ULK2: variants seen among roughly 807,000 people sequenced by gnomAD.
The protein encoded by ULK2 is serine/threonine-protein kinase ULK2.
A neutral mutation model predicts 127.5 loss-of-function variants in ULK2; 76 were observed. The ratio of observed to expected loss-of-function variants is 0.60; its 90% CI spans 0.50 to 0.72. ULK2 has a LOEUF of 0.72. ULK2 is among the 30% of genes least tolerant of loss of function. The pLI, the probability that ULK2 is intolerant of heterozygous loss-of-function variation, is 0.00. For synonymous variants in ULK2, 452 were observed against 461.9 expected, an observed-to-expected ratio of 0.98 and a Z score of 0.28; for missense variants, 1,144 against 1,295.9, an observed-to-expected ratio of 0.88 and a Z score of 1.80.
intron 8 of ULK2, 26 bp from the exon 9 acceptor site, chr17:19,841,573 T>C: frequency 6.5e-7 from 1 of 1,537,330 alleles, no homozygotes; most frequent in Non-Finnish European, 8.7e-7. Flanking sequence ...AGGTTTAATT[T>C]CCTAAACAAT....
chr17:19,812,517 C>T (rs1347939895), intron 13 of ULK2, among the ~76,000 whole-genome samples: 2 of 152,206 alleles, frequency 1.3e-5, no homozygotes, highest in Non-Finnish European at 2.9e-5. Context: ...CTTACACTGG[C>T]CTACAATTGG....
rs139281114 is a variant in ULK2 at position 19,771,771 on chromosome 17, C to T, written c.*4578G>A. Reference sequence around the variant, plus strand: ...GAGCTGGAATTTGAGACCAAGTGGACCACTAAGCTACCTGCCAAATTGAGT... The same window carrying T: ...GAGCTGGAATTTGAGACCAAGTGGATCACTAAGCTACCTGCCAAATTGAGT... On this transcript the variant is annotated 3_prime_UTR_variant, in exon 27 of 27. Coordinates refer to ENST00000395544, the MANE Select transcript of ULK2 (RefSeq NM_014683.4). 2.0e-5 allele frequency: 3 copies of T among 152,372 alleles called. No individual in the cohort carries two copies. The highest frequency in any genetic ancestry group is 7.2e-5 in the African/African-American group (3 of 41,570). The allele number at this position is 152,372 out of a possible 1,614,324, so 9.4% of individuals were successfully genotyped here.
At chr17:19,795,102 T>C (rs780193515) in intron 20 of ULK2, among the ~76,000 whole-genome samples, 2 of 151,784 alleles carry the variant, frequency 1.3e-5, no homozygotes, top group Non-Finnish European at 2.9e-5. Flanking sequence ...CCAGAAAATT[T>C]AAGCAAGCAA....
Position 19,799,446 on chromosome 17 carries a change from C to A in ULK2, c.1522+49G>T, listed in dbSNP as rs748121541. On this transcript the variant is annotated intron_variant, in intron 17 of 26. Coordinates refer to ENST00000395544, the MANE Select transcript of ULK2 (RefSeq NM_014683.4). ...AAACTAGAAAAACACAACTCAAATC[C>A]ATTTATAATACAATTCAAATTATTA... The A allele has an allele frequency of 1.1e-5, 15 of 1,384,266 alleles. No individual in the cohort carries two copies. The Admixed American group carries it at 4.2e-4, about 39-fold the overall frequency. 85.7% of individuals were successfully genotyped at this position (1,384,266 alleles called of 1,614,324 possible). A position where few individuals can be genotyped will look rare whatever the true frequency, so the allele number is the denominator to read the frequency against.
intron 8 of ULK2, 41 bp from the exon 9 acceptor site, chr17:19,841,588 G>A (rs767595239): frequency 6.1e-6 from 9 of 1,483,176 alleles, no homozygotes; most frequent in Middle Eastern, 1.8e-4. Flanking sequence ...AACAATGGGG[G>A]CAAAACTTTC....
At chr17:19,809,732 C>CG (rs750626905) in intron 14 of ULK2, among the ~76,000 whole-genome samples, 1,605 of 90,504 alleles carry the variant, frequency 0.018, 44 homozygotes, top group Non-Finnish European at 0.024. Context: ...GACTCCGTCT[C>CG]AAAAAAAAAA....
At position 19,841,393 on chromosome 17, in the gene ULK2, AAG is replaced by A; in HGVS notation, c.704+94_704+95del. The A allele has an allele frequency of 4.8e-6, 6 of 1,254,856 alleles. No homozygotes were observed. The South Asian group carries it at 8.5e-5, about 18-fold the overall frequency. 77.7% of individuals were successfully genotyped at this position (1,254,856 alleles called of 1,614,324 possible). On this transcript the variant is annotated intron_variant, in intron 9 of 26. Coordinates refer to ENST00000395544, the MANE Select transcript of ULK2 (RefSeq NM_014683.4). The stretch of plus-strand genomic sequence containing the variant: ...AATGCTTTCACATTATCAACTGAAA[AAG>A]AATTAAAAAATGAGAATACACAAAA...
At chr17:19,794,953 C>T (rs541758355) in intron 20 of ULK2, among the ~76,000 whole-genome samples, 1 of 151,898 alleles carries the variant, frequency 6.6e-6, no homozygotes, top group African/African-American at 2.4e-5. Context: ...GTGGCGGGCG[C>T]CTATAGTCCC....
intron 13 of ULK2, among the ~76,000 whole-genome samples, chr17:19,814,448 T>TC (rs1467778986): frequency 1.2e-4 from 1 of 8,092 alleles, no homozygotes; most frequent in African/African-American, 3.6e-4. Flanking sequence ...ATTTTTTTTT[T>TC]TTTTTTTTTT....
rs184803207 is a variant in ULK2, at chr17:19,798,025, T to A, written c.1523-343A>T. On this transcript the variant is annotated intron_variant, in intron 17 of 26. Coordinates refer to ENST00000395544, the MANE Select transcript of ULK2 (RefSeq NM_014683.4). ...TTAATGAATACAACAAAAACCTACATTGAACAGGATGATTGTTACTCTATA... is the reference window on the plus strand; with the variant it reads ...TTAATGAATACAACAAAAACCTACAATGAACAGGATGATTGTTACTCTATA... 6.6e-5 allele frequency among the ~76,000 whole-genome samples: 10 copies of A among 152,310 alleles called. No homozygotes were observed. The East Asian group carries it at 1.9e-3, about 29-fold the overall frequency.
In ULK2 at chr17:19,774,692, A is replaced by C. The variant is rs1488491918; in HGVS notation, c.*1657T>G. ...TCATGGCCAAGTCTCTAAACTCACTAAGGAAGTACCTGGCTCAACAAGCCA... is the reference window on the plus strand; with the variant it reads ...TCATGGCCAAGTCTCTAAACTCACTCAGGAAGTACCTGGCTCAACAAGCCA... On this transcript the variant is annotated 3_prime_UTR_variant, in exon 27 of 27. Transcript: ENST00000395544. The C allele has an allele frequency of 6.6e-6, 1 of 152,294 alleles. No individual in the cohort carries two copies. The highest frequency in any genetic ancestry group is 6.5e-5 in the Admixed American group (1 of 15,288). The allele number at this position is 152,294 out of a possible 1,614,324, so 9.4% of individuals were successfully genotyped here. A position where few individuals can be genotyped will look rare whatever the true frequency, so the allele number is the denominator to read the frequency against.
intron 10 of ULK2, among the ~76,000 whole-genome samples, chr17:19,830,053 G>A (rs768393835): frequency 1.7e-4 from 26 of 152,184 alleles, no homozygotes; most frequent in South Asian, 6.2e-4. Context: ...AGGAAAGGGA[G>A]GCACTGAACA....
chr17:19,835,797 CAATG>C (rs2041581527), intron 10 of ULK2, among the ~76,000 whole-genome samples: 1 of 151,096 alleles, frequency 6.6e-6, no homozygotes, highest in Non-Finnish European at 1.5e-5. Context: ...CCAGAACACT[CAATG>C]AAAGAATTTA....
At chr17:19,854,428 CTGAT>C (rs2042081523) in intron 3 of ULK2, among the ~76,000 whole-genome samples, 1 of 151,990 alleles carries the variant, frequency 6.6e-6, no homozygotes, top group Admixed American at 6.6e-5. Context: ...ATATATAATA[CTGAT>C]TAATAAATTT....
chr17:19,857,148 A>T (rs984098197), intron 3 of ULK2, among the ~76,000 whole-genome samples: 10 of 151,790 alleles, frequency 6.6e-5, no homozygotes, highest in African/African-American at 2.4e-4. Flanking sequence ...TCTACCAAAA[A>T]TACAGACATT....
intron 12 of ULK2, among the ~76,000 whole-genome samples, chr17:19,820,874 G>A (rs2152391524): frequency 6.6e-6 from 1 of 152,204 alleles, no homozygotes; most frequent in East Asian, 1.9e-4. Flanking sequence ...ATATACATAT[G>A]CTTCTGGCAA....
rs752125236 is a variant in ULK2 at position 19,785,986 on chromosome 17, C to T, written c.2202G>A (p.Ala734=). Reference sequence around the variant, plus strand: ...ACATGTGGGTACAAGTGGGGGCTGCCGCACTGTGTGGAGGAGACCCTACAG... The same window carrying T: ...ACATGTGGGTACAAGTGGGGGCTGCTGCACTGTGTGGAGGAGACCCTACAG... The part of the protein sequence containing the change: ...LFTVGSPPHS[A]AAPTCTHMFL... The change falls in exon 21 of 27, where the codon GCG becomes GCA. Residue 734 remains alanine (A), a synonymous_variant. Transcript: ENST00000395544. 3.8e-6 allele frequency: 6 copies of T among 1,595,376 alleles called. No homozygotes were observed. Among genetic ancestry groups the T allele is most frequent in the African/African-American group, 1.4e-5 (1 of 72,926 alleles).
At chr17:19,803,440 T>C (rs887082577) in intron 15 of ULK2, among the ~76,000 whole-genome samples, 3 of 152,200 alleles carry the variant, frequency 2.0e-5, no homozygotes, top group Non-Finnish European at 4.4e-5. Context: ...AATAGCTTTA[T>C]CCATCTTTGC....
chr17:19,827,705 A>G (rs2041329286), intron 10 of ULK2, among the ~76,000 whole-genome samples: 1 of 152,210 alleles, frequency 6.6e-6, no homozygotes, highest in Non-Finnish European at 1.5e-5. Context: ...TGAGGTCAGG[A>G]GTTTGAGACC....
Sources: gnomAD v4.1 joint callset for allele counts (sites outside exome capture counted in the v4.1 genomes callset) on GRCh38, gnomAD v4.1.1 for gene constraint, MANE v1.5 for transcripts, NCBI Gene and HGNC (gene_info 2026-07-23, HGNC 2026-07-21) for gene names.